Variants in CNTNAP4 observed in about 807,000 individuals in gnomAD.
The protein encoded by CNTNAP4 is contactin associated protein family member 4, also known as contactin-associated protein-like 4.
In CNTNAP4, 98 loss-of-function variants were observed where a neutral mutation model predicts 148.4. That is an observed-to-expected ratio of 0.66 (90% confidence interval 0.56 to 0.78). The LOEUF is 0.78. CNTNAP4 is among the 30% of genes least tolerant of loss of function. The probability of loss-of-function intolerance (pLI) is 0.00; values close to 1 mark genes in which losing one functional copy is unlikely to be tolerated. For synonymous variants in CNTNAP4, 730 were observed against 565.1 expected, an observed-to-expected ratio of 1.29 and a Z score of -4.14; for missense variants, 1,935 against 1,565.6, an observed-to-expected ratio of 1.24 and a Z score of -3.98.
chr16:76,335,577 C>G (rs906466640), intron 2 of CNTNAP4, among the ~76,000 whole-genome samples: 7 of 152,112 alleles, frequency 4.6e-5, no homozygotes, highest in Admixed American at 3.9e-4. Context: ...AAGCCCTGTC[C>G]TCAAACTAAG....
At chr16:76,349,417 C>T (rs1965188229) in intron 2 of CNTNAP4, among the ~76,000 whole-genome samples, 1 of 152,094 alleles carries the variant, frequency 6.6e-6, no homozygotes, top group Non-Finnish European at 1.5e-5. Flanking sequence ...TACACAGCAT[C>T]AGTAGAGTCA....
At position 76,462,094 on chromosome 16, in the gene CNTNAP4, A is replaced by G. The variant is rs999373724; in HGVS notation, c.1472A>G (p.Tyr491Cys). ...GAGCAGATTTATTCGGGTGGCACCTATTATTTTGGAGGTAAGAATAGGTGC... is the reference window on the plus strand; with the variant it reads ...GAGCAGATTTATTCGGGTGGCACCTGTTATTTTGGAGGTAAGAATAGGTGC... Reference protein sequence around the residue: ...GPEQIYSGGTYYFGGCPDKSF... With the variant: ...GPEQIYSGGTCYFGGCPDKSF... Residue 491 changes from tyrosine (Y) to cysteine (C), a missense_variant, in exon 9 of 24, where the codon TAT becomes TGT. Tyr to Cys is a radical substitution (Grantham distance 194, BLOSUM62 -2). Transcript: ENST00000611870. 3.1e-6 allele frequency: 5 copies of G among 1,613,056 alleles called. No homozygotes were observed. The African/African-American group carries it at 4.0e-5, about 13-fold the overall frequency.
At chr16:76,554,605 CT>C (rs1568630142) in intron 23 of CNTNAP4, among the ~76,000 whole-genome samples, 1 of 151,718 alleles carries the variant, frequency 6.6e-6, no homozygotes, top group African/African-American at 2.4e-5. Flanking sequence ...GATTAATGCT[CT>C]TAAGAATGTT....
chr16:76,500,040 G>C (rs1480539157), intron 15 of CNTNAP4, among the ~76,000 whole-genome samples: 1 of 151,976 alleles, frequency 6.6e-6, no homozygotes, highest in Non-Finnish European at 1.5e-5. Context: ...AACCGCCATC[G>C]TCATCATGGC....
At chr16:76,474,728 T>G (rs1423519674) in intron 10 of CNTNAP4, among the ~76,000 whole-genome samples, 2 of 152,130 alleles carry the variant, frequency 1.3e-5, no homozygotes, top group Non-Finnish European at 2.9e-5. Flanking sequence ...AACAAAACTT[T>G]CCAAACTTTT....
At chr16:76,352,551 G>A (rs1467301807) in intron 2 of CNTNAP4, among the ~76,000 whole-genome samples, 2 of 152,114 alleles carry the variant, frequency 1.3e-5, no homozygotes, top group African/African-American at 4.8e-5. Flanking sequence ...CCATGGATGA[G>A]GGCAAAGTGT....
chr16:76,427,430 G>C (rs1166883125), intron 3 of CNTNAP4, 22 bp from the exon 4 acceptor site: 1 of 1,594,756 alleles, frequency 6.3e-7, no homozygotes, highest in South Asian at 1.1e-5. Context: ...ACATTGATGT[G>C]CTTCTTTCCC....
intron 12 of CNTNAP4, among the ~76,000 whole-genome samples, chr16:76,483,969 A>G (rs868636605): frequency 6.6e-6 from 1 of 152,084 alleles, no homozygotes; most frequent in East Asian, 1.9e-4. Context: ...GGCCATATGT[A>G]TTTTTTATTA....
At chr16:76,419,709 G>T (rs763975167) in intron 3 of CNTNAP4, among the ~76,000 whole-genome samples, 22 of 151,994 alleles carry the variant, frequency 1.4e-4, no homozygotes, top group Non-Finnish European at 3.1e-4. Context: ...CAATACCATA[G>T]ACTGGGTGAC....
chr16:76,319,510 G>C (rs772834648), intron 2 of CNTNAP4, among the ~76,000 whole-genome samples: 1 of 152,154 alleles, frequency 6.6e-6, no homozygotes, highest in Non-Finnish European at 1.5e-5. Flanking sequence ...CCTCCTAAAA[G>C]ATTGAAATCC....
In CNTNAP4 at chr16:76,390,640, T is replaced by A. The variant is rs913543768; in HGVS notation, c.390+35129T>A. Among the ~76,000 whole-genome samples, 18 of 152,120 alleles carry A rather than the reference T, an allele frequency of 1.2e-4. 1 individual carries two copies. The highest frequency in any genetic ancestry group is 4.3e-4 in the African/African-American group (18 of 41,418). ...TCCTTCTCATCATTGCATTACTGAT[T>A]CAAATTGAAAGCCTGGAATGTGGCT... On this transcript the variant is annotated intron_variant, in intron 3 of 23. Transcript: ENST00000611870.
chr16:76,285,696 A>T (rs1257886943), intron 1 of CNTNAP4, among the ~76,000 whole-genome samples: 2 of 152,248 alleles, frequency 1.3e-5, no homozygotes, highest in African/African-American at 4.8e-5. Context: ...TTTATTGTAT[A>T]CTTTTTAGAA....
intron 4 of CNTNAP4, among the ~76,000 whole-genome samples, chr16:76,432,056 C>T (rs1286943007): frequency 1.3e-5 from 2 of 152,134 alleles, no homozygotes; most frequent in Admixed American, 1.3e-4. Flanking sequence ...TATTGTACTA[C>T]AGTTAATAAC....
intron 17 of CNTNAP4, among the ~76,000 whole-genome samples, chr16:76,533,051 A>G (rs2084053688): frequency 6.6e-6 from 1 of 152,184 alleles, no homozygotes; most frequent in African/African-American, 2.4e-5. Context: ...GTTTATTGCA[A>G]CACTATTGAC....
At chr16:76,341,229 T>A (rs1361329455) in intron 2 of CNTNAP4, among the ~76,000 whole-genome samples, 1 of 152,182 alleles carries the variant, frequency 6.6e-6, no homozygotes, top group Non-Finnish European at 1.5e-5. Flanking sequence ...CTGTGCCTCT[T>A]AACTTAGGAT....
At chr16:76,478,832 G>A (rs550856897) in intron 11 of CNTNAP4, among the ~76,000 whole-genome samples, 3 of 151,996 alleles carry the variant, frequency 2.0e-5, no homozygotes, top group Non-Finnish European at 4.4e-5. Flanking sequence ...AGCATTGGTG[G>A]GAGTTTCTTT....
At chr16:76,377,470 C>T (rs1018024275) in intron 3 of CNTNAP4, among the ~76,000 whole-genome samples, 17 of 151,960 alleles carry the variant, frequency 1.1e-4, no homozygotes, top group African/African-American at 2.7e-4. Flanking sequence ...AGAATATACA[C>T]GTTTATAATT....
At position 76,522,207 on chromosome 16, in the gene CNTNAP4, C is replaced by T. The variant is rs1382237422; in HGVS notation, c.2705C>T (p.Ala902Val). The T allele has an allele frequency of 1.2e-6, 2 of 1,613,812 alleles. No homozygotes were observed. The highest frequency in any genetic ancestry group is 2.2e-5 in the East Asian group (1 of 44,890). The change falls in exon 17 of 24, where the codon GCC (alanine) becomes GTC (valine). Residue 902 changes from alanine to valine, a missense_variant. Physicochemically the swap from Ala to Val is moderately conservative, Grantham distance 64. Coordinates refer to ENST00000611870, the MANE Select transcript of CNTNAP4 (RefSeq NM_033401.5). ...CAGCTGACACCAAAGACACAGCCCG[C>T]CCCCGCTGATGGGCATGTCCTGTTA... is the stretch of plus-strand genomic sequence containing the variant. ...VDQLTPKTQP[A>V]PADGHVLLQL...
intron 3 of CNTNAP4, among the ~76,000 whole-genome samples, chr16:76,421,196 A>C (rs2079175784): frequency 6.6e-6 from 1 of 152,066 alleles, no homozygotes; most frequent in Non-Finnish European, 1.5e-5. Context: ...AATGATTTGC[A>C]CAAGGGGTCT....
Sources: allele counts gnomAD v4.1 joint callset (sites outside exome capture counted in the v4.1 genomes callset), GRCh38; gene constraint gnomAD v4.1.1; transcripts MANE v1.5; gene names NCBI Gene and HGNC (gene_info 2026-07-23, HGNC 2026-07-21).